The following TRPM1 variants were observed in gnomAD, a reference collection of about 807,000 sequenced individuals.
TRPM1 encodes TRPM1-203 APA Isoform, Intron 10.
In TRPM1, 113 loss-of-function variants were observed where a neutral mutation model predicts 149.4. The observed-to-expected ratio is 0.76, with a 90% CI of 0.65 to 0.88. TRPM1 has a LOEUF of 0.88. Among genes scored for constraint, TRPM1 ranks in the 40% least tolerant of loss-of-function variants. The pLI, the probability that TRPM1 is intolerant of heterozygous loss-of-function variation, is 0.00. For synonymous variants in TRPM1, 741 were observed against 759.5 expected (o/e 0.98, Z 0.40); for missense variants, 1,976 against 2,038.7 (o/e 0.97, Z 0.59).
chr15:31,122,138 A>G (rs4779505), intron 1 of TRPM1, among the ~76,000 whole-genome samples: 41,260 of 152,010 alleles, frequency 0.27, 7,163 homozygotes, highest in East Asian at 0.75. Context: ...ATACCTGTAT[A>G]TAATAAAAAC....
chr15:31,041,163 T>G (rs1434642379), intron 17 of TRPM1, among the ~76,000 whole-genome samples: 3 of 152,054 alleles, frequency 2.0e-5, no homozygotes, highest in African/African-American at 7.2e-5. Context: ...CTTCAACTTT[T>G]TTTTTTTTTG....
At chr15:31,092,950 C>T (rs2035281499) in intron 1 of TRPM1, among the ~76,000 whole-genome samples, 1 of 152,120 alleles carries the variant, frequency 6.6e-6, no homozygotes, top group African/African-American at 2.4e-5. Context: ...TTTAGAAATA[C>T]AGATGAAGTT....
rs1446981644 is a variant in TRPM1, at chr15:31,002,621, C to T, written c.4079G>A (p.Gly1360Asp). 1 of 1,614,062 alleles carries T rather than the reference C, an allele frequency of 6.2e-7. No individual in the cohort carries two copies. Among genetic ancestry groups the T allele is most frequent in the African/African-American group, 1.3e-5 (1 of 74,922 alleles). The change falls in exon 28 of 28, where the codon GGC becomes GAC. Residue 1360 changes from glycine to aspartate, a missense_variant. This residue lies in a region of TRPM1 where 572 missense variants were observed against 578.9 expected (regional missense o/e 0.99). Coordinates refer to ENST00000256552, the MANE Select transcript of TRPM1 (RefSeq NM_001252024.2). ...LGTSTSATPD[G>D]SHLAVDDLKN... is the part of the protein sequence containing the mutation. ...TAAGTCATCTACTGCAAGGTGACTGCCATCTGGGGTTGCTGATGTGCTTGT... is the reference window on the plus strand; with the variant it reads ...TAAGTCATCTACTGCAAGGTGACTGTCATCTGGGGTTGCTGATGTGCTTGT...
intron 1 of TRPM1, among the ~76,000 whole-genome samples, chr15:31,133,672 A>G (rs1483081337): frequency 6.6e-6 from 1 of 151,256 alleles, no homozygotes; most frequent in Non-Finnish European, 1.5e-5. Flanking sequence ...ACAGAGCGAG[A>G]CTGTCTCAAA....
At chr15:31,034,641 C>T (rs1293302433) in intron 21 of TRPM1, among the ~76,000 whole-genome samples, 1 of 152,228 alleles carries the variant, frequency 6.6e-6, no homozygotes. Context: ...GGGAGCCCTC[C>T]CTTCATAAAT....
Position 31,035,598 on chromosome 15 carries a change from T to C in TRPM1, c.2648A>G (p.Glu883Gly), listed in dbSNP as rs2033328042. 1.2e-6 allele frequency: 2 copies of C among 1,614,180 alleles called. No homozygotes were observed. The highest frequency in any genetic ancestry group is 8.5e-7 in the Non-Finnish European group (1 of 1,180,038). Reference protein sequence around the residue: ...VRMDGWPSLQEWIVISYIVSL... With the variant: ...VRMDGWPSLQGWIVISYIVSL... ...CACGATGTAGGAGATGACGATCCAC[T>C]CCTGGAGGGACGGCCAGCCATCCAT... is the stretch of plus-strand genomic sequence containing the variant. The change falls in exon 21 of 28, where the codon GAG (glutamate) becomes GGG (glycine). Residue 883 changes from glutamate to glycine, a missense_variant. Transcript: ENST00000256552.
exon 1 of TRPM1, chr15:31,160,930 C>A: frequency 6.5e-7 from 1 of 1,535,530 alleles, no homozygotes; most frequent in Non-Finnish European, 8.7e-7. Flanking sequence ...ATGTGGAGCT[C>A]TTGAGCGAGC....
intron 1 of TRPM1, among the ~76,000 whole-genome samples, chr15:31,135,842 C>A (rs2036080889): frequency 6.6e-6 from 1 of 152,162 alleles, no homozygotes; most frequent in African/African-American, 2.4e-5. Context: ...CAGCCTGAAG[C>A]CCTCACAGGA....
chr15:31,001,936 CT>C lies in TRPM1; in HGVS notation c.4763del (p.Lys1588SerfsTer2). On this transcript the variant is annotated frameshift_variant, in exon 28 of 28. Coordinates refer to ENST00000256552, the MANE Select transcript of TRPM1 (RefSeq NM_001252024.2). LOFTEE classifies it low-confidence loss of function (END_TRUNC). ...TACTGGCATGTCCAGATCTGTCTAA[CT>C]TTCCCTGAATGGATTTCACATTCCT... Reference protein sequence around the residue: ...HPRNVKSIQGKLDRSGHASSV... With the variant: ...HPRNVKSIQGXLDRSGHASSV... 5 of 1,614,176 alleles carry C rather than the reference CT, an allele frequency of 3.1e-6. No individual in the cohort carries two copies. Among genetic ancestry groups the C allele is most frequent in the Non-Finnish European group, 3.4e-6 (4 of 1,180,032 alleles).
At position 31,047,289 on chromosome 15, in the gene TRPM1, C is replaced by T. The variant is rs199914012; in HGVS notation, c.1624-38G>A. 197 of 1,613,616 alleles carry T rather than the reference C, an allele frequency of 1.2e-4. No individual in the cohort carries two copies. In the African/African-American group the frequency reaches 2.3e-3, roughly 19 times the overall value. ...TCTGGTCTCAGGCCCTGTGAGAATG[C>T]GTTCGCAGTGTGGACTTCATCACAC... is the stretch of plus-strand genomic sequence containing the variant. On this transcript the variant is annotated intron_variant, in intron 14 of 27. Transcript: ENST00000256552.
rs371559953 is a variant in TRPM1, at chr15:31,159,299, A to T, written c.54+1607T>A. Among the ~76,000 whole-genome samples the T allele has an allele frequency of 1.0e-3, 153 of 152,282 alleles. 4 individuals carry two copies. The South Asian group carries it at 0.031, about 31-fold the overall frequency. ...CAAGGCACCAAACATACAGCAGTACACTGGGCACAGGTGAACAGGTGACAT... is the reference window on the plus strand; with the variant it reads ...CAAGGCACCAAACATACAGCAGTACTCTGGGCACAGGTGAACAGGTGACAT... On this transcript the variant is annotated intron_variant, in intron 1 of 26. Coordinates refer to the TRPM1 transcript ENST00000542188.
chr15:31,070,286 G>C lies in TRPM1; in HGVS notation c.84-60C>G, dbSNP rs1484650025. The C allele has an allele frequency of 2.6e-6, 4 of 1,531,486 alleles. No individual in the cohort carries two copies. The African/African-American group carries it at 5.4e-5, about 21-fold the overall frequency. 94.9% of individuals were successfully genotyped at this position (1,531,486 alleles called of 1,614,324 possible). A position where few individuals can be genotyped will look rare whatever the true frequency, so the allele number is the denominator to read the frequency against. ...CAATCTCCCCCTTTCCCCTTCATTA[G>C]CAAAAATGAATTAACCTCAACAGGT... On this transcript the variant is annotated intron_variant, in intron 3 of 27. Coordinates refer to ENST00000256552, the MANE Select transcript of TRPM1 (RefSeq NM_001252024.2).
chr15:31,104,063 TGA>T (rs10541795), upstream of TRPM1, among the ~76,000 whole-genome samples: 37,531 of 151,760 alleles, frequency 0.25, 5,139 homozygotes, highest in African/African-American at 0.35. Context: ...CTGTAAGGTC[TGA>T]GAATCATTAT....
intron 1 of TRPM1, among the ~76,000 whole-genome samples, chr15:31,113,087 C>G (rs1370049605): frequency 6.6e-6 from 1 of 152,176 alleles, no homozygotes; most frequent in African/African-American, 2.4e-5. Context: ...AGTAGAACCC[C>G]TGTCCAGGGC....
chr15:31,139,818 T>C (rs1218118115), intron 1 of TRPM1, among the ~76,000 whole-genome samples: 6 of 152,230 alleles, frequency 3.9e-5, no homozygotes, highest in Non-Finnish European at 7.3e-5. Flanking sequence ...TAACCAGCAA[T>C]GTAAGCATAA....
chr15:31,018,565 G>T (rs1268766289), intron 27 of TRPM1, among the ~76,000 whole-genome samples: 2 of 151,972 alleles, frequency 1.3e-5, no homozygotes, highest in African/African-American at 4.8e-5. Flanking sequence ...TAGAGACGGG[G>T]TTTCACCATG....
intron 12 of TRPM1, 69 bp downstream of exon 12, chr15:31,050,340 G>A: frequency 6.2e-7 from 1 of 1,612,406 alleles, no homozygotes; most frequent in Non-Finnish European, 8.5e-7. Flanking sequence ...CTGAAGCAAG[G>A]ACAAGAACCA....
At chr15:31,112,420 G>A (rs886236463) in intron 1 of TRPM1, among the ~76,000 whole-genome samples, 2 of 152,176 alleles carry the variant, frequency 1.3e-5, no homozygotes, top group Non-Finnish European at 2.9e-5. Flanking sequence ...GGAGGTTGTG[G>A]TGAGCCGAGA....
intron 22 of TRPM1, among the ~76,000 whole-genome samples, chr15:31,032,169 A>G (rs1408395203): frequency 6.6e-6 from 1 of 152,042 alleles, no homozygotes; most frequent in East Asian, 1.9e-4. Context: ...CTGAATTCCT[A>G]TTGCATCAAA....
Sources: allele counts gnomAD v4.1 joint callset (sites outside exome capture counted in the v4.1 genomes callset), GRCh38; gene constraint gnomAD v4.1.1; regional missense constraint gnomAD v4.1.1; transcripts MANE v1.5; gene names NCBI Gene and HGNC (gene_info 2026-07-23, HGNC 2026-07-21).